Variants in ACP3 observed in about 807,000 individuals in gnomAD.
The protein encoded by ACP3 is prostatic acid phosphatase.
A neutral mutation model predicts 45.6 loss-of-function variants in ACP3; 38 were observed. The ratio of observed to expected loss-of-function variants is 0.83; its 90% CI spans 0.64 to 1.09. The LOEUF (loss-of-function observed/expected upper bound fraction) is 1.09. Ranked by LOEUF, ACP3 falls within the 50% of genes least tolerant of loss-of-function variation. ACP3 has a pLI of 0.00. For missense variants in ACP3, 466 were observed against 463.2 expected (o/e 1.01, Z -0.05); for synonymous variants, 162 against 164.7 (o/e 0.98, Z 0.13).
At chr3:132,343,050 C>T (rs1474143630) in intron 6 of ACP3, among the ~76,000 whole-genome samples, 1 of 152,162 alleles carries the variant, frequency 6.6e-6, no homozygotes, top group Admixed American at 6.5e-5. Context: ...TAGAAATAAA[C>T]AAGCAAAATA....
At chr3:132,333,054 G>T (rs1018145686) in intron 4 of ACP3, among the ~76,000 whole-genome samples, 1 of 152,042 alleles carries the variant, frequency 6.6e-6, no homozygotes, top group Non-Finnish European at 1.5e-5. Context: ...GGATCACGTG[G>T]TTTTTTAAAA....
At chr3:132,322,903 T>A (rs1450145635) in intron 1 of ACP3, among the ~76,000 whole-genome samples, 3 of 152,234 alleles carry the variant, frequency 2.0e-5, no homozygotes, top group East Asian at 1.9e-4. Flanking sequence ...GGGTGAGTTA[T>A]CATGTCAGTG....
intron 10 of ACP3, among the ~76,000 whole-genome samples, chr3:132,364,367 A>T (rs1938095879): frequency 1.3e-5 from 2 of 151,940 alleles, no homozygotes; most frequent in South Asian, 4.2e-4. Context: ...AAACAAAAAC[A>T]AAAACAAACT....
At chr3:132,333,742 G>GA (rs922367044) in intron 4 of ACP3, among the ~76,000 whole-genome samples, 198 of 151,946 alleles carry the variant, frequency 1.3e-3, no homozygotes, top group African/African-American at 4.5e-3. Flanking sequence ...ATTCCAAAAA[G>GA]AAAAAAAATC....
chr3:132,343,760 C>T (rs1379613830), intron 6 of ACP3, among the ~76,000 whole-genome samples: 1 of 152,138 alleles, frequency 6.6e-6, no homozygotes, highest in East Asian at 1.9e-4. Flanking sequence ...TCTCACCTGC[C>T]CTGCTTGTAC....
At chr3:132,333,823 C>A (rs1461165186) in intron 4 of ACP3, among the ~76,000 whole-genome samples, 1 of 152,182 alleles carries the variant, frequency 6.6e-6, no homozygotes, top group Non-Finnish European at 1.5e-5. Context: ...GTAATCCCAG[C>A]ACTTTGGAAG....
At chr3:132,335,450 T>C (rs534770435) in intron 4 of ACP3, among the ~76,000 whole-genome samples, 3 of 152,276 alleles carry the variant, frequency 2.0e-5, no homozygotes, top group East Asian at 1.9e-4. Flanking sequence ...ACTTTTAAAA[T>C]AAATGTTTTC....
At chr3:132,364,889 C>A (rs1938105964) in intron 10 of ACP3, among the ~76,000 whole-genome samples, 1 of 152,230 alleles carries the variant, frequency 6.6e-6, no homozygotes. Context: ...TTTTAAGGAT[C>A]ACTACTATCT....
intron 1 of ACP3, among the ~76,000 whole-genome samples, chr3:132,323,614 G>T (rs1576407224): frequency 6.6e-6 from 1 of 152,134 alleles, no homozygotes; most frequent in Non-Finnish European, 1.5e-5. Context: ...GAGAGAAGAC[G>T]CAGACTTGAG....
At chr3:132,335,618 A>G (rs941746950) in intron 4 of ACP3, among the ~76,000 whole-genome samples, 16 of 152,226 alleles carry the variant, frequency 1.1e-4, no homozygotes, top group Admixed American at 7.9e-4. Flanking sequence ...GAGTTCCTGG[A>G]AAGAAATGAA....
chr3:132,349,567 T>C (rs1937671110), intron 7 of ACP3, among the ~76,000 whole-genome samples: 1 of 152,112 alleles, frequency 6.6e-6, no homozygotes, highest in Non-Finnish European at 1.5e-5. Flanking sequence ...CTGTCTGAAG[T>C]TCCTTCCAAG....
intron 7 of ACP3, 29 bp from the exon 8 acceptor site, chr3:132,349,891 A>G: frequency 6.7e-7 from 1 of 1,499,956 alleles, no homozygotes; most frequent in Non-Finnish European, 9.3e-7. Context: ...TGTTTGGTTC[A>G]GTTTGGTTAT....
intron 1 of ACP3, among the ~76,000 whole-genome samples, chr3:132,326,345 G>A (rs1267896856): frequency 1.3e-5 from 2 of 152,132 alleles, no homozygotes; most frequent in African/African-American, 2.4e-5. Context: ...ATTTACCTGG[G>A]ATATAAAAAC....
At position 132,356,827 on chromosome 3, in the gene ACP3, G is replaced by T. The variant is rs374360973; in HGVS notation, c.1110G>T (p.Thr370=). The T allele has an allele frequency of 3.7e-6, 6 of 1,614,018 alleles. 1 individual carries two copies. The South Asian group carries it at 6.6e-5, about 18-fold the overall frequency. The change falls in exon 10 of 10, where the codon ACG becomes ACT. Residue 370 remains threonine, a synonymous_variant. Transcript: ENST00000336375. ...VGPVIPQDWS[T]ECMTTNSHQG... ...CTGTGATCCCTCAAGACTGGTCCAC[G>T]GAGTGTATGACCACAAACAGCCATC...
chr3:132,324,177 C>T (rs562996373), intron 1 of ACP3, among the ~76,000 whole-genome samples: 100 of 143,632 alleles, frequency 7.0e-4, no homozygotes, highest in African/African-American at 2.3e-3. Flanking sequence ...AAGATCATGC[C>T]ATTGCACTCC....
At chr3:132,322,355 C>T (rs1035639963) in intron 1 of ACP3, among the ~76,000 whole-genome samples, 1 of 152,144 alleles carries the variant, frequency 6.6e-6, no homozygotes, top group African/African-American at 2.4e-5. Context: ...TTCCTTCTAA[C>T]CTCTGAAATG....
In ACP3 at chr3:132,358,506, T is replaced by G; in HGVS notation, c.*1628T>G. The G allele has an allele frequency of 8.1e-7, 1 of 1,236,538 alleles. No individual in the cohort carries two copies. The highest frequency in any genetic ancestry group is 1.4e-5 in the South Asian group (1 of 71,644). The allele number at this position is 1,236,538 out of a possible 1,614,324, so 76.6% of individuals were successfully genotyped here. A position where few individuals can be genotyped will look rare whatever the true frequency, so the allele number is the denominator to read the frequency against. On this transcript the variant is annotated 3_prime_UTR_variant, in exon 10 of 10. Transcript: ENST00000336375. The stretch of plus-strand genomic sequence containing the variant: ...TACATGTCTAGAGAACACTGTGCTC[T>G]ATTACCATTATGGATAAAGATGAGA...
At chr3:132,355,924 A>AC (rs35723397) in intron 9 of ACP3, among the ~76,000 whole-genome samples, 81,882 of 152,008 alleles carry the variant, frequency 0.54, 22,485 homozygotes, top group Middle Eastern at 0.7. Context: ...TTGTAAGGTT[A>AC]CACCAAAAGA....
intron 7 of ACP3, among the ~76,000 whole-genome samples, chr3:132,346,806 C>T (rs866770470): frequency 2.0e-5 from 3 of 152,180 alleles, no homozygotes; most frequent in East Asian, 1.9e-4. Flanking sequence ...TAGTCCCTCA[C>T]AACTCAAAGT....
Sources: gnomAD v4.1 joint callset for allele counts (sites outside exome capture counted in the v4.1 genomes callset) on GRCh38, gnomAD v4.1.1 for gene constraint, MANE v1.5 for transcripts, NCBI Gene and HGNC (gene_info 2026-07-23, HGNC 2026-07-21) for gene names.